SH3RF3: variants seen among roughly 807,000 people sequenced by gnomAD.
SH3RF3 encodes the protein E3 ubiquitin-protein ligase SH3RF3.
SH3RF3 carries 29 observed loss-of-function variants against 66.3 expected under a neutral mutation model. That is an observed-to-expected ratio of 0.44 (90% CI 0.33 to 0.60). The LOEUF (loss-of-function observed/expected upper bound fraction) is 0.60. SH3RF3 is among the 20% of genes least tolerant of loss of function. SH3RF3 has a pLI of 0.04. For synonymous variants in SH3RF3, 583 were observed against 532.0 expected, an observed-to-expected ratio of 1.10 and a Z score of -1.32; for missense variants, 1,194 against 1,190.9, an observed-to-expected ratio of 1.00 and a Z score of -0.04.
chr2:109,346,446 C>T (rs1374548891), intron 1 of SH3RF3, among the ~76,000 whole-genome samples: 1 of 152,096 alleles, frequency 6.6e-6, no homozygotes, highest in East Asian at 1.9e-4. Context: ...CATAGGCAGC[C>T]CTGGTGAGAA....
chr2:109,304,326 T>C (rs1338576610), intron 1 of SH3RF3, among the ~76,000 whole-genome samples: 2 of 152,208 alleles, frequency 1.3e-5, no homozygotes, highest in East Asian at 3.9e-4. Flanking sequence ...AACATATAAG[T>C]GAGATCATGT....
At chr2:109,148,712 C>A (rs547695420) in intron 1 of SH3RF3, among the ~76,000 whole-genome samples, 1 of 152,164 alleles carries the variant, frequency 6.6e-6, no homozygotes, top group African/African-American at 2.4e-5. Context: ...AGAAGCAGAG[C>A]GTAATGTGTA....
chr2:109,129,299 C>A lies in SH3RF3; in HGVS notation c.-242C>A, dbSNP rs1378917138. ...CAGGTGTAGCCCGCAGCCGCAGGCGCTGCGCTCAGGACTGGGCGGGCTCGG... is the reference window on the plus strand; with the variant it reads ...CAGGTGTAGCCCGCAGCCGCAGGCGATGCGCTCAGGACTGGGCGGGCTCGG... On this transcript the variant is annotated 5_prime_UTR_variant, in exon 1 of 10. In the 5' UTR this introduces an upstream ATG that the reference lacks. Coordinates refer to ENST00000309415, the MANE Select transcript of SH3RF3 (RefSeq NM_001099289.3). 1 of 732,678 alleles carries A rather than the reference C, an allele frequency of 1.4e-6. No individual in the cohort carries two copies. Among genetic ancestry groups the A allele is most frequent in the Admixed American group, 2.5e-5 (1 of 40,592 alleles). 45.4% of individuals were successfully genotyped at this position (732,678 alleles called of 1,614,324 possible).
rs61696669 is a variant in SH3RF3, at chr2:109,150,993, A to G, written c.573+20880A>G. On this transcript the variant is annotated intron_variant, in intron 1 of 9. Transcript: ENST00000309415. The stretch of plus-strand genomic sequence containing the variant: ...AGGTGGTACCTTTTCCATTGCTGAA[A>G]CATTGATGAAGGTCGACACTGCTTA... 9.9e-3 allele frequency among the ~76,000 whole-genome samples: 1,502 copies of G among 152,270 alleles called. 23 individuals carry two copies. Among genetic ancestry groups the G allele is most frequent in the African/African-American group, 0.034 (1,419 of 41,546 alleles).
chr2:109,271,996 A>C (rs569883692), intron 1 of SH3RF3, among the ~76,000 whole-genome samples: 1 of 152,282 alleles, frequency 6.6e-6, no homozygotes, highest in African/African-American at 2.4e-5. Context: ...CTTTGGGTAC[A>C]TCTGGTATGG....
At chr2:109,494,915 A>C (rs1395955175) in intron 9 of SH3RF3, among the ~76,000 whole-genome samples, 2 of 152,116 alleles carry the variant, frequency 1.3e-5, no homozygotes, top group Non-Finnish European at 2.9e-5. Flanking sequence ...GGTGCTGCAG[A>C]GGGAGCTCCT....
intron 1 of SH3RF3, among the ~76,000 whole-genome samples, chr2:109,284,730 C>A (rs749718013): frequency 2.6e-5 from 4 of 152,142 alleles, no homozygotes; most frequent in Non-Finnish European, 4.4e-5. Context: ...TCTGTGCACA[C>A]CTCTGCAGGT....
At chr2:109,375,868 C>A (rs1401353991) in intron 3 of SH3RF3, among the ~76,000 whole-genome samples, 1 of 152,234 alleles carries the variant, frequency 6.6e-6, no homozygotes, top group Non-Finnish European at 1.5e-5. Context: ...AGCCCATGGG[C>A]AGTTCAGGGC....
chr2:109,490,392 T>G (rs1371149168), intron 8 of SH3RF3, among the ~76,000 whole-genome samples: 1 of 152,120 alleles, frequency 6.6e-6, no homozygotes, highest in Admixed American at 6.5e-5. Context: ...CCCTCACTGG[T>G]TCACCCGTGG....
intron 7 of SH3RF3, among the ~76,000 whole-genome samples, chr2:109,439,000 A>G (rs1677490282): frequency 6.6e-6 from 1 of 152,210 alleles, no homozygotes; most frequent in Non-Finnish European, 1.5e-5. Context: ...ATCCCAGTGC[A>G]GTGGCCCTGG....
At chr2:109,161,249 T>C (rs989142961) in intron 1 of SH3RF3, among the ~76,000 whole-genome samples, 3 of 151,948 alleles carry the variant, frequency 2.0e-5, no homozygotes, top group Non-Finnish European at 4.4e-5. Context: ...CAGGCACGAG[T>C]ATGCAGTGAT....
At chr2:109,278,588 G>A (rs984196386) in intron 1 of SH3RF3, among the ~76,000 whole-genome samples, 3 of 152,186 alleles carry the variant, frequency 2.0e-5, no homozygotes, top group African/African-American at 4.8e-5. Flanking sequence ...AGGAGTCAGC[G>A]GCATATAGGA....
At chr2:109,209,985 C>A (rs56695078) in intron 1 of SH3RF3, among the ~76,000 whole-genome samples, 67 of 152,266 alleles carry the variant, frequency 4.4e-4, no homozygotes, top group African/African-American at 1.3e-3. Flanking sequence ...CACGCTCAGC[C>A]CCCCCAGTAA....
chr2:109,261,956 C>G (rs1461247240), intron 1 of SH3RF3, among the ~76,000 whole-genome samples: 2 of 152,042 alleles, frequency 1.3e-5, no homozygotes, highest in Non-Finnish European at 2.9e-5. Context: ...TGTAGCATTC[C>G]ACTTCATTAC....
At chr2:109,379,448 G>T (rs1683462101) in intron 3 of SH3RF3, among the ~76,000 whole-genome samples, 1 of 152,132 alleles carries the variant, frequency 6.6e-6, no homozygotes, top group African/African-American at 2.4e-5. Flanking sequence ...TTGTTTCACT[G>T]CTGGTGTTCC....
chr2:109,400,505 A>C (rs904254129), intron 4 of SH3RF3, among the ~76,000 whole-genome samples: 1 of 151,810 alleles, frequency 6.6e-6, no homozygotes, highest in Non-Finnish European at 1.5e-5. Flanking sequence ...ATTTACACAT[A>C]CACCCCTCCA....
In SH3RF3 at chr2:109,348,452, C is replaced by T. The variant is rs114099646; in HGVS notation, c.849+503C>T. Reference sequence around the variant, plus strand: ...CACCTGAGGCAGGGCCACCCTGGTGCGTAGGGATCCCTGTGAAGCAAACAT... The same window carrying T: ...CACCTGAGGCAGGGCCACCCTGGTGTGTAGGGATCCCTGTGAAGCAAACAT... On this transcript the variant is annotated intron_variant, in intron 2 of 9. Transcript: ENST00000309415. Among the ~76,000 whole-genome samples, 1,508 of 152,282 alleles carry T rather than the reference C, an allele frequency of 9.9e-3. 22 individuals are homozygous for T. Among genetic ancestry groups the T allele is most frequent in the African/African-American group, 0.034 (1,430 of 41,558 alleles).
intron 8 of SH3RF3, among the ~76,000 whole-genome samples, chr2:109,453,666 G>A (rs1677953815): frequency 6.6e-6 from 1 of 152,210 alleles, no homozygotes; most frequent in South Asian, 2.1e-4. Flanking sequence ...CAGAGCGCAG[G>A]CACACGGTTC....
chr2:109,183,235 A>G (rs1239001963), intron 1 of SH3RF3, among the ~76,000 whole-genome samples: 1 of 152,224 alleles, frequency 6.6e-6, no homozygotes, highest in Non-Finnish European at 1.5e-5. Flanking sequence ...GATTCTCAAA[A>G]AGCACATCCT....
Sources: gnomAD v4.1 joint callset for allele counts (sites outside exome capture counted in the v4.1 genomes callset) on GRCh38, gnomAD v4.1.1 for gene constraint, MANE v1.5 for transcripts, NCBI Gene and HGNC (gene_info 2026-07-23, HGNC 2026-07-21) for gene names.